Variants in ABCA4 observed in about 807,000 individuals in gnomAD.
ABCA4 encodes retinal-specific phospholipid-transporting ATPase ABCA4.
ABCA4 carries 196 observed loss-of-function variants against 263.7 expected under a neutral mutation model. The ratio of observed to expected loss-of-function variants is 0.74; its 90% CI spans 0.66 to 0.84. The LOEUF (loss-of-function observed/expected upper bound fraction) is 0.84. ABCA4 is among the 40% of genes least tolerant of loss of function. ABCA4 has a pLI of 0.00. For synonymous variants in ABCA4, 1,133 were observed against 1,094.2 expected (o/e 1.04, Z -0.70); for missense variants, 2,792 against 2,855.1 (o/e 0.98, Z 0.50).
In ABCA4 at chr1:94,008,215, G is replaced by A. The variant is rs761429989; in HGVS notation, c.5898+20C>T. Reference sequence around the variant, plus strand: ...GCTGATGTTCGGAAGCCTTTCACACGTGGTCTGCAGAGTACCCACCTCTCC... The same window carrying A: ...GCTGATGTTCGGAAGCCTTTCACACATGGTCTGCAGAGTACCCACCTCTCC... On this transcript the variant is annotated intron_variant, in intron 42 of 49. Transcript: ENST00000370225. 6.0e-5 allele frequency: 96 copies of A among 1,613,318 alleles called. 2 individuals carry two copies. Among genetic ancestry groups the A allele is most frequent in the East Asian group, 2.9e-4 (13 of 44,866 alleles).
At chr1:94,071,206 T>C (rs185192068) in intron 11 of ABCA4, among the ~76,000 whole-genome samples, 13 of 152,338 alleles carry the variant, frequency 8.5e-5, no homozygotes, top group Admixed American at 3.3e-4. Flanking sequence ...ATCTCTCCAA[T>C]GTGAGCTTCC....
chr1:94,008,648 A>T, intron 41 of ABCA4, 103 bp downstream of exon 41: 1 of 1,537,320 alleles, frequency 6.5e-7, no homozygotes, highest in South Asian at 1.1e-5. Flanking sequence ...TGGGAACCAA[A>T]TTGCTTGCAT....
At chr1:94,054,987 T>G (rs1292493809) in intron 16 of ABCA4, 124 bp downstream of exon 16, 3 of 1,053,622 alleles carry the variant, frequency 2.8e-6, no homozygotes, top group Non-Finnish European at 4.3e-6. Context: ...AACTTCTAGA[T>G]TTAAACTTCA....
At chr1:94,015,680 C>A in intron 37 of ABCA4, 59 bp downstream of exon 37, 1 of 1,405,100 alleles carries the variant, frequency 7.1e-7, no homozygotes, top group East Asian at 2.3e-5. Context: ...GAGATGATCC[C>A]CCACCCCCAC....
At position 94,060,726 on chromosome 1, in the gene ABCA4, G is replaced by A. The variant is rs2101075366; in HGVS notation, c.1971C>T (p.Ile657=). 2 of 1,613,836 alleles carry A rather than the reference G, an allele frequency of 1.2e-6. No homozygotes were observed. Among genetic ancestry groups the A allele is most frequent in the Non-Finnish European group, 1.7e-6 (2 of 1,179,860 alleles). ...AGTAGATCCATGCCAGCACCATGAA[G>A]ATAGGGAAACAGCGGTTCAGGATGA... The part of the protein sequence containing the change: ...FMIILNRCFP[I]FMVLAWIYSV... Residue 657 remains isoleucine, a synonymous_variant, in exon 14 of 50, where the codon ATC becomes ATT. Coordinates refer to ENST00000370225, the MANE Select transcript of ABCA4 (RefSeq NM_000350.3).
At chr1:94,020,591 G>T (rs548617822) in intron 35 of ABCA4, among the ~76,000 whole-genome samples, 2 of 152,218 alleles carry the variant, frequency 1.3e-5, no homozygotes, top group African/African-American at 4.8e-5. Flanking sequence ...ACACCAAGGA[G>T]CCAAGGCCCA....
chr1:94,029,421 C>T (rs1217120255), intron 30 of ABCA4, 24 bp downstream of exon 30: 2 of 1,536,630 alleles, frequency 1.3e-6, no homozygotes, highest in Non-Finnish European at 1.8e-6. Context: ...AGACCTGGGG[C>T]CCCGTTGTTT....
intron 11 of ABCA4, among the ~76,000 whole-genome samples, chr1:94,068,372 G>T (rs1204915411): frequency 6.6e-6 from 1 of 152,162 alleles, no homozygotes; most frequent in African/African-American, 2.4e-5. Context: ...GAAGTTCCTG[G>T]GTCACCCTCT....
Position 94,063,123 on chromosome 1 carries a change from C to A in ABCA4, c.1749G>T (p.Lys583Asn). 1 of 1,613,616 alleles carries A rather than the reference C, an allele frequency of 6.2e-7. No homozygotes were observed. The highest frequency in any genetic ancestry group is 8.5e-7 in the Non-Finnish European group (1 of 1,179,782). ...TCCTGAAACATCACCTGTCTTTAATCTTATTGGTTTTCTCCACCACGTCTA... is the reference window on the plus strand; with the variant it reads ...TCCTGAAACATCACCTGTCTTTAATATTATTGGTTTTCTCCACCACGTCTA... ...MDIDVVEKTN[K>N]IKDRYWDSGP... Residue 583 changes from lysine (K) to asparagine (N), a missense_variant, in exon 12 of 50, where the codon AAG becomes AAT. Lys to Asn is a moderately conservative substitution (Grantham distance 94, BLOSUM62 0). Transcript: ENST00000370225.
chr1:94,073,317 G>A (rs909601694), intron 11 of ABCA4, among the ~76,000 whole-genome samples: 1 of 152,094 alleles, frequency 6.6e-6, no homozygotes, highest in Non-Finnish European at 1.5e-5. Context: ...CACAGCTGCT[G>A]GGCTTCTGCT....
At chr1:94,120,736 A>G (rs1662924442) in intron 1 of ABCA4, among the ~76,000 whole-genome samples, 3 of 152,156 alleles carry the variant, frequency 2.0e-5, no homozygotes, top group Admixed American at 2.0e-4. Context: ...CAGGCACGGT[A>G]GGCAAAAGAT....
Position 94,055,042 on chromosome 1 carries a change from T to C in ABCA4, c.2587+69A>G, listed in dbSNP as rs1172927921. Reference sequence around the variant, plus strand: ...AGCTTGGAAGAAATGAAATTTAAACTAGATGAATGGAGAGGGCTGGGGATC... The same window carrying C: ...AGCTTGGAAGAAATGAAATTTAAACCAGATGAATGGAGAGGGCTGGGGATC... On this transcript the variant is annotated intron_variant, in intron 16 of 49. Coordinates refer to ENST00000370225, the MANE Select transcript of ABCA4 (RefSeq NM_000350.3). The C allele has an allele frequency of 2.8e-6, 4 of 1,421,222 alleles. No homozygotes were observed. In the Admixed American group the frequency reaches 6.9e-5, roughly 24 times the overall value. The allele number at this position is 1,421,222 out of a possible 1,614,324, so 88.0% of individuals were successfully genotyped here.
chr1:94,078,982 C>A (rs756226471), intron 9 of ABCA4, among the ~76,000 whole-genome samples: 2 of 152,032 alleles, frequency 1.3e-5, no homozygotes, highest in African/African-American at 2.4e-5. Flanking sequence ...TAGATTTGGA[C>A]CCCCTGGGAG....
intron 2 of ABCA4, 92 bp downstream of exon 2, chr1:94,112,881 G>A: frequency 1.1e-6 from 1 of 895,626 alleles, no homozygotes; most frequent in Non-Finnish European, 1.9e-6. Flanking sequence ...AAGCAGATCT[G>A]ATCCCCACAC....
In ABCA4 at chr1:94,121,056, A is replaced by G; in HGVS notation, c.-11T>C. On this transcript the variant is annotated 5_prime_UTR_variant, in exon 1 of 50. Coordinates refer to ENST00000370225, the MANE Select transcript of ABCA4 (RefSeq NM_000350.3). ...TCTCACGAAGCCCATGCTAATGACC[A>G]CACGAAGACCAGATTGGTCAGAGCT... 1 of 1,614,154 alleles carries G rather than the reference A, an allele frequency of 6.2e-7. No individual in the cohort carries two copies. The highest frequency in any genetic ancestry group is 8.5e-7 in the Non-Finnish European group (1 of 1,179,994).
intron 4 of ABCA4, among the ~76,000 whole-genome samples, chr1:94,105,507 C>T (rs932998794): frequency 3.3e-5 from 5 of 152,074 alleles, no homozygotes; most frequent in Admixed American, 3.3e-4. Context: ...ACAGAAGCTT[C>T]CCTAGACTCC....
Position 93,996,123 on chromosome 1 carries a change from T to G in ABCA4, c.6802A>C (p.Ser2268Arg), listed in dbSNP as rs1658992799. Residue 2268 changes from serine (S) to arginine (R), a missense_variant, in exon 49 of 50, where the codon AGT becomes CGT. Coordinates refer to ENST00000370225, the MANE Select transcript of ABCA4 (RefSeq NM_000350.3). ...LPLHPRAAGASRQAQD is the reference protein window; with the variant it reads ...LPLHPRAAGARRQAQD ...AGCAGGGGTACCTGGGCTTGTCGAC[T>G]GGCTCCAGCAGCTCGAGGGTGCAGA... 6 of 1,614,008 alleles carry G rather than the reference T, an allele frequency of 3.7e-6. No homozygotes were observed. The highest frequency in any genetic ancestry group is 5.1e-6 in the Non-Finnish European group (6 of 1,179,996).
intron 20 of ABCA4, among the ~76,000 whole-genome samples, chr1:94,043,758 T>TA (rs1450576245): frequency 7.6e-6 from 1 of 132,042 alleles, no homozygotes; most frequent in Non-Finnish European, 1.6e-5. Context: ...ATCTTATGTT[T>TA]AAAAAAGCAA....
Position 94,037,308 on chromosome 1 carries a change from G to A in ABCA4, c.3650C>T (p.Pro1217Leu). 6.2e-7 allele frequency: 1 copy of A among 1,614,188 alleles called. No homozygotes were observed. Among genetic ancestry groups the A allele is most frequent in the Non-Finnish European group, 8.5e-7 (1 of 1,180,046 alleles). The change falls in exon 25 of 50, where the codon CCA becomes CTA. Residue 1217 changes from proline (P) to leucine (L), a missense_variant. Physicochemically the swap from Pro to Leu is moderately conservative, Grantham distance 98. Transcript: ENST00000370225. Reference protein sequence around the residue: ...ELMDVVLHHVPEAKLVECIGQ... With the variant: ...ELMDVVLHHVLEAKLVECIGQ... The stretch of plus-strand genomic sequence containing the variant: ...AATGCACTCCACCAGCTTTGCCTCT[G>A]GAACATGGTGGAGAACTACATCCAT...
Sources: gnomAD v4.1 joint callset for allele counts (sites outside exome capture counted in the v4.1 genomes callset) on GRCh38, gnomAD v4.1.1 for gene constraint, MANE v1.5 for transcripts, NCBI Gene and HGNC (gene_info 2026-07-23, HGNC 2026-07-21) for gene names.